GALNT18: variants seen among roughly 807,000 people sequenced by gnomAD.
GALNT18 encodes the protein GalNAc-transferase 18.
Under a neutral mutation model 69.5 loss-of-function variants are expected in GALNT18, and 44 were observed. The observed-to-expected ratio is 0.63, with a 90% CI of 0.50 to 0.81. The LOEUF is 0.81. Ranked by LOEUF, GALNT18 falls within the 40% of genes least tolerant of loss-of-function variation. The probability of loss-of-function intolerance (pLI) is 0.00; values close to 1 mark genes in which losing one functional copy is unlikely to be tolerated. For synonymous variants in GALNT18, 364 were observed against 318.2 expected (o/e 1.14, Z -1.53); for missense variants, 715 against 810.0 (o/e 0.88, Z 1.42).
intron 3 of GALNT18, among the ~76,000 whole-genome samples, chr11:11,390,975 T>A (rs1854178135): frequency 6.6e-6 from 1 of 152,234 alleles, no homozygotes; most frequent in Admixed American, 6.5e-5. Context: ...CCTGGCATGT[T>A]GTGAATGCTT....
At chr11:11,493,636 C>T (rs961354364) in intron 1 of GALNT18, among the ~76,000 whole-genome samples, 2 of 152,160 alleles carry the variant, frequency 1.3e-5, no homozygotes, top group African/African-American at 4.8e-5. Flanking sequence ...ATGTTATCTA[C>T]GTCTCAAGAT....
Position 11,413,494 on chromosome 11 carries a change from TAAC to T in GALNT18, c.595+19124_595+19126del, listed in dbSNP as rs1854779692. Reference sequence around the variant, plus strand: ...TCTTCTCCAGCTCCCTCAGGCCCCTTAACAACATTAGACTGCAATTTCAGGTTT... The same window carrying T: ...TCTTCTCCAGCTCCCTCAGGCCCCTTAACATTAGACTGCAATTTCAGGTTT... On this transcript the variant is annotated intron_variant, in intron 3 of 10. Transcript: ENST00000227756. This position sits in a 1 kb window ranked among gnomAD's most constrained non-coding sequence, Gnocchi z 4.7. Among the ~76,000 whole-genome samples, 1 of 152,206 alleles carries T rather than the reference TAAC, an allele frequency of 6.6e-6. No homozygotes were observed. Among genetic ancestry groups the T allele is most frequent in the African/African-American group, 2.4e-5 (1 of 41,450 alleles).
Position 11,584,472 on chromosome 11 carries a change from C to T in GALNT18, c.235+36887G>A, listed in dbSNP as rs1859167514. On this transcript the variant is annotated intron_variant, in intron 1 of 10. Coordinates refer to ENST00000227756, the MANE Select transcript of GALNT18 (RefSeq NM_198516.3). This position sits in a 1 kb window ranked among gnomAD's most constrained non-coding sequence, Gnocchi z 4.1. ...TATTCTCCAGTGCATTTCAACTGGCCATATTCTCAGCAGTGAATGATGGAG... is the reference window on the plus strand; with the variant it reads ...TATTCTCCAGTGCATTTCAACTGGCTATATTCTCAGCAGTGAATGATGGAG... 6.6e-6 allele frequency among the ~76,000 whole-genome samples: 1 copy of T among 152,104 alleles called. No homozygotes were observed. The highest frequency in any genetic ancestry group is 2.1e-4 in the South Asian group (1 of 4,826).
intron 3 of GALNT18, among the ~76,000 whole-genome samples, chr11:11,403,106 G>A (rs927981040): frequency 6.6e-6 from 1 of 152,142 alleles, no homozygotes. Flanking sequence ...ACAGCAGAGG[G>A]GTATGCAGAG....
rs920207522 is a variant in GALNT18 at position 11,591,558 on chromosome 11, T to G, written c.235+29801A>C. 6.6e-5 allele frequency among the ~76,000 whole-genome samples: 10 copies of G among 152,012 alleles called. No homozygotes were observed. The highest frequency in any genetic ancestry group is 4.6e-4 in the Admixed American group (7 of 15,258). ...ACAGCCTCCATTTCTCTTCCTACTT[T>G]ACATCTCCAACTACAGTCATTCTGC... On this transcript the variant is annotated intron_variant, in intron 1 of 10. Coordinates refer to ENST00000227756, the MANE Select transcript of GALNT18 (RefSeq NM_198516.3). The surrounding 1 kb of genome is among the most constrained non-coding windows in gnomAD (Gnocchi z 4.8).
Position 11,448,899 on chromosome 11 carries a change from G to C in GALNT18, c.273C>G (p.Pro91=), listed in dbSNP as rs761936190. 7.5e-6 allele frequency: 12 copies of C among 1,602,710 alleles called. No individual in the cohort carries two copies. The African/African-American group carries it at 8.0e-5, about 11-fold the overall frequency. Residue 91 remains proline (P), a synonymous_variant, in exon 2 of 11, where the codon CCC becomes CCG. Coordinates refer to ENST00000227756, the MANE Select transcript of GALNT18 (RefSeq NM_198516.3). The stretch of plus-strand genomic sequence containing the variant: ...GTGCAAACAGAGAGGAGTCTGTGAA[G>C]GGCTCGGCCTCTGCCTCCTCAGGCT... ...PAKPEEAEAE[P]FTDSSLFAHW...
intron 1 of GALNT18, among the ~76,000 whole-genome samples, chr11:11,510,021 C>A (rs1340846386): frequency 6.6e-6 from 1 of 152,184 alleles, no homozygotes; most frequent in Admixed American, 6.5e-5. Flanking sequence ...CTGGTTACAG[C>A]ATCAGAACAC....
chr11:11,610,054 T>C (rs2133961076), intron 1 of GALNT18, among the ~76,000 whole-genome samples: 1 of 152,264 alleles, frequency 6.6e-6, no homozygotes, highest in East Asian at 1.9e-4. Flanking sequence ...CTCTCAGTCT[T>C]CCAGAGAGCT....
intron 3 of GALNT18, among the ~76,000 whole-genome samples, chr11:11,395,257 G>C (rs1425366754): frequency 6.6e-6 from 1 of 152,204 alleles, no homozygotes; most frequent in Admixed American, 6.5e-5. Context: ...AGCCACAGAA[G>C]ACAGCCTGGT....
At chr11:11,282,192 C>T (rs1320716533) in intron 10 of GALNT18, among the ~76,000 whole-genome samples, 1 of 152,108 alleles carries the variant, frequency 6.6e-6, no homozygotes, top group East Asian at 1.9e-4. Context: ...CTTCTTCTCT[C>T]GGAAAATTTC....
intron 3 of GALNT18, among the ~76,000 whole-genome samples, chr11:11,381,491 G>A (rs891888915): frequency 2.0e-5 from 3 of 152,218 alleles, no homozygotes; most frequent in Non-Finnish European, 2.9e-5. Context: ...GGAGGAGGCT[G>A]AGGATGATTG....
chr11:11,270,879 T>C lies in GALNT18; in HGVS notation c.*265A>G, dbSNP rs1473283483. 1 of 328,326 alleles carries C rather than the reference T, an allele frequency of 3.0e-6. No homozygotes were observed. Among genetic ancestry groups the C allele is most frequent in the African/African-American group, 2.1e-5 (1 of 48,532 alleles). 20.3% of individuals were successfully genotyped at this position (328,326 alleles called of 1,614,324 possible). ...AGCACCAAATGACTGCAAAACCCTTTTCTTAATAATATTTTATTGTCAGTT... is the reference window on the plus strand; with the variant it reads ...AGCACCAAATGACTGCAAAACCCTTCTCTTAATAATATTTTATTGTCAGTT... On this transcript the variant is annotated 3_prime_UTR_variant, in exon 11 of 11. Transcript: ENST00000227756.
In GALNT18 at chr11:11,341,286, A is replaced by G. The variant is rs1850202519; in HGVS notation, c.1093-282T>C. ...TCCACCTGTGAGCCCTACCCCACCA[A>G]AAAAAGAGACCAGACATTTTGTTCC... On this transcript the variant is annotated intron_variant, in intron 6 of 10. Transcript: ENST00000227756. The surrounding 1 kb of genome is among the most constrained non-coding windows in gnomAD (Gnocchi z 6.3). Among the ~76,000 whole-genome samples, 1 of 152,182 alleles carries G rather than the reference A, an allele frequency of 6.6e-6. No individual in the cohort carries two copies. The highest frequency in any genetic ancestry group is 6.5e-5 in the Admixed American group (1 of 15,282).
Position 11,505,215 on chromosome 11 carries a change from C to T in GALNT18, c.236-56279G>A, listed in dbSNP as rs1421448783. 3.9e-5 allele frequency among the ~76,000 whole-genome samples: 6 copies of T among 152,234 alleles called. No homozygotes were observed. The highest frequency in any genetic ancestry group is 8.8e-5 in the Non-Finnish European group (6 of 68,050). On this transcript the variant is annotated intron_variant, in intron 1 of 10. Coordinates refer to ENST00000227756, the MANE Select transcript of GALNT18 (RefSeq NM_198516.3). The surrounding 1 kb of genome is among the most constrained non-coding windows in gnomAD (Gnocchi z 4.6). ...ATGGCATGATATTTTGTAGTACACACACTCCAGGCAACTGGTTGTTTATAG... is the reference window on the plus strand; with the variant it reads ...ATGGCATGATATTTTGTAGTACACATACTCCAGGCAACTGGTTGTTTATAG...
intron 1 of GALNT18, among the ~76,000 whole-genome samples, chr11:11,576,977 T>C (rs896395624): frequency 1.3e-5 from 2 of 152,060 alleles, no homozygotes; most frequent in Non-Finnish European, 2.9e-5. Context: ...AGGCCAAAAC[T>C]CAGACTTCAG....
At chr11:11,276,996 G>A (rs562571120) in intron 10 of GALNT18, among the ~76,000 whole-genome samples, 1 of 152,184 alleles carries the variant, frequency 6.6e-6, no homozygotes, top group African/African-American at 2.4e-5. Flanking sequence ...TCTCTGCCAG[G>A]TTTTGGTATC....
intron 1 of GALNT18, among the ~76,000 whole-genome samples, chr11:11,492,263 G>A (rs1856786335): frequency 6.6e-6 from 1 of 152,188 alleles, no homozygotes; most frequent in South Asian, 2.1e-4. Context: ...ACAGAAATGA[G>A]GAGACACCAG....
At position 11,621,051 on chromosome 11, in the gene GALNT18, G is replaced by A. The variant is rs1049615054; in HGVS notation, c.235+308C>T. Among the ~76,000 whole-genome samples the A allele has an allele frequency of 6.6e-6, 1 of 152,202 alleles. No homozygotes were observed. Among genetic ancestry groups the A allele is most frequent in the African/African-American group, 2.4e-5 (1 of 41,464 alleles). ...TGTGTGCGATCCCGAGAGCCCGCGAGCAACCAGCCCAGAGTCACACGCACA... is the reference window on the plus strand; with the variant it reads ...TGTGTGCGATCCCGAGAGCCCGCGAACAACCAGCCCAGAGTCACACGCACA... On this transcript the variant is annotated intron_variant, in intron 1 of 10. Transcript: ENST00000227756. This position sits in a 1 kb window ranked among gnomAD's most constrained non-coding sequence, Gnocchi z 9.3.
At chr11:11,433,511 C>A (rs1346340196) in intron 2 of GALNT18, among the ~76,000 whole-genome samples, 1 of 152,206 alleles carries the variant, frequency 6.6e-6, no homozygotes, top group Non-Finnish European at 1.5e-5. Flanking sequence ...GCACCAGGAT[C>A]TCTCCTTGAA....
Sources: gnomAD v4.1 joint callset for allele counts (sites outside exome capture counted in the v4.1 genomes callset) on GRCh38, gnomAD v4.1.1 for gene constraint, Gnocchi (gnomAD v3.1) non-coding constraint, MANE v1.5 for transcripts, NCBI Gene and HGNC (gene_info 2026-07-23, HGNC 2026-07-21) for gene names.